DNAH5: variants seen among roughly 807,000 people sequenced by gnomAD.
DNAH5 encodes axonemal beta dynein heavy chain 5.
Under a neutral mutation model 518.2 loss-of-function variants are expected in DNAH5, and 372 were observed. That is an observed-to-expected ratio of 0.72 (90% CI 0.66 to 0.78). The LOEUF (loss-of-function observed/expected upper bound fraction) is 0.78. DNAH5 is among the 30% of genes least tolerant of loss of function. The probability of loss-of-function intolerance (pLI) is 0.00; values close to 1 mark genes in which losing one functional copy is unlikely to be tolerated. For missense variants in DNAH5, 5,523 were observed against 5,687.0 expected (o/e 0.97, Z 0.93); for synonymous variants, 2,039 against 2,025.9 (o/e 1.01, Z -0.17).
chr5:13,800,000 G>A (rs1231889258), intron 47 of DNAH5, among the ~76,000 whole-genome samples: 1 of 151,952 alleles, frequency 6.6e-6, no homozygotes, highest in Non-Finnish European at 1.5e-5. Context: ...CGTGTATATT[G>A]AACAATATAT....
intron 59 of DNAH5, among the ~76,000 whole-genome samples, chr5:13,763,222 A>T (rs1388883836): frequency 2.0e-5 from 3 of 151,900 alleles, no homozygotes; most frequent in Admixed American, 2.0e-4. Context: ...CCAAAGCAAT[A>T]AAGATTTTTT....
intron 68 of DNAH5, among the ~76,000 whole-genome samples, chr5:13,734,758 C>T (rs540089122): frequency 6.6e-6 from 1 of 152,282 alleles, no homozygotes; most frequent in South Asian, 2.1e-4. Context: ...TGAAGCTCCT[C>T]CCACTTCATA....
At chr5:13,791,694 C>T (rs969649064) in intron 50 of DNAH5, among the ~76,000 whole-genome samples, 60 of 152,192 alleles carry the variant, frequency 3.9e-4, no homozygotes, top group African/African-American at 1.4e-3. Context: ...AGAAACATAT[C>T]TTCTTCTCAT....
rs1485061024 is a variant in DNAH5 at position 13,963,503 on chromosome 5, C to T, written c.13-32259G>A. On this transcript the variant is annotated intron_variant, in intron 1 of 78. Transcript: ENST00000681290. ...TGAGGCAGGAAGAATCGCTTGAACC[C>T]GGGAGGCAGAGGTTGCAGTGAGCCA... Among the ~76,000 whole-genome samples the T allele has an allele frequency of 5.9e-5, 9 of 151,832 alleles. 1 individual carries two copies. In the East Asian group the frequency reaches 1.6e-3, roughly 26 times the overall value.
chr5:13,762,959 G>A, intron 59 of DNAH5, 58 bp from the exon 60 acceptor site: 1 of 1,430,198 alleles, frequency 7.0e-7, no homozygotes, highest in Non-Finnish European at 9.8e-7. Flanking sequence ...AGTCATACTT[G>A]CATCATGCTC....
In DNAH5 at chr5:13,952,190, G is replaced by A. The variant is rs115731922; in HGVS notation, c.13-20946C>T. ...TGACGTTTATCACAAATAAAAATCC[G>A]TGAAAATAAGCAAGACATATCCATA... On this transcript the variant is annotated intron_variant, in intron 1 of 78. Coordinates refer to the DNAH5 transcript ENST00000681290. Among the ~76,000 whole-genome samples, 1,413 of 152,154 alleles carry A rather than the reference G, an allele frequency of 9.3e-3. 21 individuals are homozygous for A. Among genetic ancestry groups the A allele is most frequent in the African/African-American group, 0.032 (1,315 of 41,490 alleles).
In DNAH5 at chr5:13,777,288, T is replaced by A. The variant is rs1754239306; in HGVS notation, c.9019A>T (p.Lys3007Ter). Residue 3007 changes from lysine to a stop codon, truncating the protein, a stop_gained, in exon 54 of 79, where the codon AAA becomes TAA. Coordinates refer to ENST00000265104, the MANE Select transcript of DNAH5 (RefSeq NM_001369.3). LOFTEE classifies it high-confidence loss of function. ...VLYRTAGQQG[K>*]GITFIFTDNE... ...TCTGTGAAAATAAAAGTGATTCCTT[T>A]GCCTTGCTGACCAGCTGTTCGATAC... 1.2e-6 allele frequency: 2 copies of A among 1,613,464 alleles called. No homozygotes were observed. The highest frequency in any genetic ancestry group is 4.5e-5 in the East Asian group (2 of 44,812).
Position 13,752,145 on chromosome 5 carries a change from A to G in DNAH5, c.11017T>C (p.Ser3673Pro), listed in dbSNP as rs1250778700. 1.2e-6 allele frequency: 2 copies of G among 1,613,820 alleles called. No individual in the cohort carries two copies. Among genetic ancestry groups the G allele is most frequent in the African/African-American group, 2.7e-5 (2 of 74,902 alleles). The change falls in exon 64 of 79, where the codon TCT (serine) becomes CCT (proline). Residue 3673 changes from serine (S) to proline (P), a missense_variant. By Grantham distance (74) the Ser-to-Pro change is moderately conservative. Transcript: ENST00000265104. ...VLERNFIKTG[S>P]TFKVKVGDKE... ...TAGGTTTAACCTACCTTAAAGGTAGACCCAGTTTTAATGAAGTTTCTTTCC... is the reference window on the plus strand; with the variant it reads ...TAGGTTTAACCTACCTTAAAGGTAGGCCCAGTTTTAATGAAGTTTCTTTCC...
At chr5:13,806,335 G>T (rs1028179471) in intron 47 of DNAH5, among the ~76,000 whole-genome samples, 1 of 152,080 alleles carries the variant, frequency 6.6e-6, no homozygotes, top group East Asian at 1.9e-4. Context: ...TTATTTGATA[G>T]AAAGATAGCC....
At chr5:13,753,698 G>T in intron 62 of DNAH5, 149 bp from the exon 63 acceptor site, 1 of 752,330 alleles carries the variant, frequency 1.3e-6, no homozygotes, top group Non-Finnish European at 2.1e-6. Flanking sequence ...CTGTGCTGGT[G>T]AATAAGCAGT....
intron 17 of DNAH5, among the ~76,000 whole-genome samples, chr5:13,889,741 G>A (rs10075759): frequency 0.56 from 84,505 of 151,898 alleles, 23,742 homozygotes; most frequent in South Asian, 0.63. Flanking sequence ...CAGAGGGGAC[G>A]GTGAGCTCCG....
chr5:13,926,847 G>A (rs367663611), intron 3 of DNAH5, among the ~76,000 whole-genome samples: 1 of 152,178 alleles, frequency 6.6e-6, no homozygotes, highest in Non-Finnish European at 1.5e-5. Flanking sequence ...TTGAGCTTAT[G>A]TTTTGCAATC....
intron 65 of DNAH5, among the ~76,000 whole-genome samples, chr5:13,745,619 T>A (rs1749227214): frequency 6.6e-6 from 1 of 152,038 alleles, no homozygotes; most frequent in South Asian, 2.1e-4. Context: ...AAGATTTGTC[T>A]TTCCCTTGCA....
At chr5:13,987,299 T>C (rs1783119289) in intron 1 of DNAH5, among the ~76,000 whole-genome samples, 1 of 152,100 alleles carries the variant, frequency 6.6e-6, no homozygotes, top group African/African-American at 2.4e-5. Context: ...AAATGAGGTC[T>C]ATGGTACACT....
intron 47 of DNAH5, among the ~76,000 whole-genome samples, chr5:13,806,293 A>T (rs1176396806): frequency 6.6e-6 from 1 of 152,138 alleles, no homozygotes; most frequent in Admixed American, 6.5e-5. Flanking sequence ...ATCCATCCAG[A>T]TCTGCCCACC....
intron 1 of DNAH5, among the ~76,000 whole-genome samples, chr5:13,966,667 A>G (rs1003329282): frequency 1.3e-5 from 2 of 151,978 alleles, no homozygotes; most frequent in Non-Finnish European, 1.5e-5. Context: ...TCTTTTGAGA[A>G]TTGTCTATTC....
intron 46 of DNAH5, among the ~76,000 whole-genome samples, chr5:13,808,699 C>T (rs1200739494): frequency 6.6e-6 from 1 of 151,048 alleles, no homozygotes; most frequent in African/African-American, 2.4e-5. Context: ...GTGGCTCACG[C>T]CTGTAATCCC....
intron 51 of DNAH5, among the ~76,000 whole-genome samples, chr5:13,787,471 A>G (rs879671536): frequency 1.6e-4 from 25 of 152,132 alleles, no homozygotes; most frequent in Admixed American, 1.6e-3. Context: ...ATGAAGATTG[A>G]CCTATCTGCA....
intron 32 of DNAH5, among the ~76,000 whole-genome samples, chr5:13,843,976 C>G (rs889698611): frequency 1.3e-5 from 2 of 152,200 alleles, no homozygotes; most frequent in Non-Finnish European, 2.9e-5. Flanking sequence ...ATACACCCTT[C>G]CTGGGAACCC....
Sources: allele counts gnomAD v4.1 joint callset (sites outside exome capture counted in the v4.1 genomes callset), GRCh38; gene constraint gnomAD v4.1.1; transcripts MANE v1.5; gene names NCBI Gene and HGNC (gene_info 2026-07-23, HGNC 2026-07-21).